The following TPO variants were observed in gnomAD, a reference collection of about 807,000 sequenced individuals.
The protein encoded by TPO is thyroid peroxidase.
A neutral mutation model predicts 96.9 loss-of-function variants in TPO; 78 were observed. That is an observed-to-expected ratio of 0.81 (90% CI 0.67 to 0.97). The LOEUF is 0.97. TPO is among the 50% of genes least tolerant of loss of function. TPO has a pLI of 0.00. For synonymous variants in TPO, 547 were observed against 538.0 expected (o/e 1.02, Z -0.23); for missense variants, 1,252 against 1,274.8 (o/e 0.98, Z 0.27).
At chr2:1,423,947 G>A (rs1230223098) in intron 3 of TPO, among the ~76,000 whole-genome samples, 1 of 152,156 alleles carries the variant, frequency 6.6e-6, no homozygotes, top group Admixed American at 6.5e-5. Context: ...TGGCAGTGGG[G>A]GTGGATACCA....
intron 7 of TPO, among the ~76,000 whole-genome samples, chr2:1,471,577 A>G (rs1247765181): frequency 6.6e-6 from 1 of 151,962 alleles, no homozygotes; most frequent in Non-Finnish European, 1.5e-5. Context: ...TAAAACTTAA[A>G]CTGTGCCTGA....
chr2:1,478,101 G>C (rs1462216184), intron 8 of TPO: 15 of 985,350 alleles, frequency 1.5e-5, no homozygotes, highest in Non-Finnish European at 1.8e-5. Context: ...ATGAAGAACC[G>C]ACTCTGTGTG....
In TPO at chr2:1,496,661, G is replaced by A. The variant is rs1193177014; in HGVS notation, c.2282G>A (p.Arg761Lys). The change falls in exon 13 of 17, where the codon AGG becomes AAG. Residue 761 changes from arginine to lysine, a missense_variant. Transcript: ENST00000329066. Reference sequence around the variant, plus strand: ...TTTGTGCACTGTGAGGAGTCTGGGAGGCGCGTGCTGGTGTATTCCTGCCGG... The same window carrying A: ...TTTGTGCACTGTGAGGAGTCTGGGAAGCGCGTGCTGGTGTATTCCTGCCGG... ...GDFVHCEESGRRVLVYSCRHG... is the reference protein window; with the variant it reads ...GDFVHCEESGKRVLVYSCRHG... 6.2e-7 allele frequency: 1 copy of A among 1,613,984 alleles called. No homozygotes were observed. Among genetic ancestry groups the A allele is most frequent in the Admixed American group, 1.7e-5 (1 of 60,002 alleles).
chr2:1,505,678 G>C (rs548140625), intron 14 of TPO, among the ~76,000 whole-genome samples: 1 of 151,544 alleles, frequency 6.6e-6, no homozygotes, highest in Non-Finnish European at 1.5e-5. Flanking sequence ...ATAGGTATAC[G>C]TGTGCCATGG....
At chr2:1,402,145 G>T (rs959192111) in intron 1 of TPO, among the ~76,000 whole-genome samples, 1 of 152,204 alleles carries the variant, frequency 6.6e-6, no homozygotes, top group Non-Finnish European at 1.5e-5. Context: ...AGCCAAGTGG[G>T]CCCCAAGCCT....
intron 7 of TPO, among the ~76,000 whole-genome samples, chr2:1,457,546 G>A (rs186109062): frequency 1.7e-4 from 23 of 134,332 alleles, no homozygotes; most frequent in African/African-American, 4.5e-4. Context: ...ATGTATGATC[G>A]TGTGTGGGCA....
chr2:1,421,348 G>A lies in TPO; in HGVS notation c.95-1697G>A, dbSNP rs10200413. On this transcript the variant is annotated intron_variant, in intron 2 of 16. Transcript: ENST00000329066. ...GCACACTTGCGAGGCCCTCGGCCAA[G>A]AGCTGTGCAAACTTCTCTCTAAAAC... Among the ~76,000 whole-genome samples the A allele has an allele frequency of 6.4e-3, 971 of 152,342 alleles. 13 individuals are homozygous for A. The highest frequency in any genetic ancestry group is 0.022 in the African/African-American group (932 of 41,576).
At chr2:1,412,775 A>AT, upstream of TPO, among the ~76,000 whole-genome samples, 1 of 152,254 alleles carries the variant, frequency 6.6e-6, no homozygotes, top group African/African-American at 2.4e-5. Context: ...AAGATGTGTT[A>AT]TTTTATCATT....
At chr2:1,451,953 A>T (rs903246851) in intron 5 of TPO, among the ~76,000 whole-genome samples, 1 of 152,122 alleles carries the variant, frequency 6.6e-6, no homozygotes, top group African/African-American at 2.4e-5. Flanking sequence ...TAAGTTTTAC[A>T]TATTTCTTTA....
intron 15 of TPO, among the ~76,000 whole-genome samples, chr2:1,529,664 ACCCCCACTGTGTGCAACCTCCTCAAATC>A (rs1677560598): frequency 7.0e-5 from 4 of 57,242 alleles, no homozygotes; most frequent in African/African-American, 2.8e-4. Context: ...ACCTCCTATC[ACCCCCACTGTGTGCAACCTCCTCAAATC>A]CCCCCACTGC....
intron 8 of TPO, among the ~76,000 whole-genome samples, chr2:1,483,188 TC>T (rs1388054390): frequency 3.9e-5 from 6 of 152,140 alleles, no homozygotes; most frequent in African/African-American, 1.2e-4. Flanking sequence ...TCTGTGAGGC[TC>T]TGATGAAGGG....
chr2:1,479,766 C>A (rs563004574), intron 8 of TPO, among the ~76,000 whole-genome samples: 1 of 148,876 alleles, frequency 6.7e-6, no homozygotes, highest in African/African-American at 2.5e-5. Flanking sequence ...CGTCCTCCTC[C>A]TCCTCTTCTT....
chr2:1,462,222 C>T lies in TPO; in HGVS notation c.819+5940C>T, dbSNP rs142046402. On this transcript the variant is annotated intron_variant, in intron 7 of 16. Transcript: ENST00000329066. ...TGGGGCAGGTGCTGCGGGCAGCAGGCGGGGAGGGGCTGGACCATCTCAGGC... is the reference window on the plus strand; with the variant it reads ...TGGGGCAGGTGCTGCGGGCAGCAGGTGGGGAGGGGCTGGACCATCTCAGGC... Among the ~76,000 whole-genome samples, 52 of 152,064 alleles carry T rather than the reference C, an allele frequency of 3.4e-4. 1 individual carries two copies. In the East Asian group the frequency reaches 7.8e-3, roughly 23 times the overall value.
rs573795118 is a variant in TPO at position 1,439,706 on chromosome 2, C to G, written c.482+3322C>G. 6.6e-5 allele frequency among the ~76,000 whole-genome samples: 10 copies of G among 152,250 alleles called. No homozygotes were observed. In the South Asian group the frequency reaches 1.7e-3, roughly 25 times the overall value. On this transcript the variant is annotated intron_variant, in intron 5 of 16. Transcript: ENST00000329066. ...GGAGTTGCCTGCCCAGAGACTCCCCCTCTCCCCCTCACCATGTTGCTGAGT... is the reference window on the plus strand; with the variant it reads ...GGAGTTGCCTGCCCAGAGACTCCCCGTCTCCCCCTCACCATGTTGCTGAGT...
At position 1,453,735 on chromosome 2, in the gene TPO, G is replaced by A. The variant is rs571832933; in HGVS notation, c.524G>A (p.Arg175Gln). ...GGCGCCTCCAACACGGCCCTGGCACGATGGCTCCCTCCAGTCTATGAGGAC... is the reference window on the plus strand; with the variant it reads ...GGCGCCTCCAACACGGCCCTGGCACAATGGCTCCCTCCAGTCTATGAGGAC... ...RWGASNTALA[R>Q]WLPPVYEDGF... Residue 175 changes from arginine (R) to glutamine (Q), a missense_variant, in exon 6 of 17, where the codon CGA becomes CAA. Coordinates refer to ENST00000329066, the MANE Select transcript of TPO (RefSeq NM_001206744.2). 1.2e-5 allele frequency: 19 copies of A among 1,613,938 alleles called. No individual in the cohort carries two copies. The South Asian group carries it at 1.3e-4, about 11-fold the overall frequency.
At chr2:1,437,214 C>T (rs187674550) in intron 5 of TPO, among the ~76,000 whole-genome samples, 1 of 152,322 alleles carries the variant, frequency 6.6e-6, no homozygotes, top group African/African-American at 2.4e-5. Flanking sequence ...AACGTGCAGC[C>T]TTTGGCACAC....
chr2:1,429,803 A>T (rs1277228854), intron 3 of TPO, among the ~76,000 whole-genome samples: 3 of 152,242 alleles, frequency 2.0e-5, no homozygotes, highest in African/African-American at 7.2e-5. Flanking sequence ...AGAAATTTCT[A>T]TGCAGCAAAG....
intron 7 of TPO, among the ~76,000 whole-genome samples, chr2:1,460,821 A>G (rs1668358214): frequency 6.6e-6 from 1 of 151,950 alleles, no homozygotes; most frequent in South Asian, 2.1e-4. Context: ...GCTCCCCTGG[A>G]GCTGCACTGA....
chr2:1,525,912 A>AATCCCCGTACTGTGTGCAACCTCCTCAT (rs1676353156), intron 15 of TPO, among the ~76,000 whole-genome samples: 1 of 138,250 alleles, frequency 7.2e-6, no homozygotes, highest in South Asian at 2.5e-4. Flanking sequence ...AACCTCCTCA[A>AATCCCCGTACTGTGTGCAACCTCCTCAT]ATCCCCCCAC....
Sources: allele counts gnomAD v4.1 joint callset (sites outside exome capture counted in the v4.1 genomes callset), GRCh38; gene constraint gnomAD v4.1.1; transcripts MANE v1.5; gene names NCBI Gene and HGNC (gene_info 2026-07-23, HGNC 2026-07-21).